STARD13: variants seen among roughly 807,000 people sequenced by gnomAD.
STARD13 encodes the protein StAR related lipid transfer domain containing 13, also known as stAR-related lipid transfer protein 13.
Under a neutral mutation model 106.4 loss-of-function variants are expected in STARD13, and 62 were observed. The ratio of observed to expected loss-of-function variants is 0.58; its 90% CI spans 0.48 to 0.72. The LOEUF (loss-of-function observed/expected upper bound fraction) is 0.72, where lower values mean the gene tolerates loss of function less well. STARD13 is among the 30% of genes least tolerant of loss of function. The pLI is 0.00. For missense variants in STARD13, 1,387 were observed against 1,424.0 expected (o/e 0.97, Z 0.42); for synonymous variants, 565 against 553.0 (o/e 1.02, Z -0.31).
intron 1 of STARD13, among the ~76,000 whole-genome samples, chr13:33,330,148 T>C (rs1400140206): frequency 6.6e-6 from 1 of 152,218 alleles, no homozygotes; most frequent in African/African-American, 2.4e-5. Flanking sequence ...TGTTCCATTC[T>C]GAATTTTGGG....
chr13:33,255,061 C>T (rs2555598), intron 1 of STARD13, among the ~76,000 whole-genome samples: 87,043 of 151,560 alleles, frequency 0.57, 25,681 homozygotes, highest in Non-Finnish European at 0.64. Context: ...CTGTAACACA[C>T]GACAACTTGG....
intron 1 of STARD13, among the ~76,000 whole-genome samples, chr13:33,268,061 A>G (rs2138347997): frequency 6.6e-6 from 1 of 152,358 alleles, no homozygotes; most frequent in Admixed American, 6.5e-5. Flanking sequence ...ATCAAAGGTT[A>G]GACACGCTTC....
chr13:33,359,696 C>CT, the STARD13 span: 1 of 152,600 alleles, frequency 6.6e-6, no homozygotes, highest in African/African-American at 2.4e-5. Flanking sequence ...TCATTCTCTT[C>CT]TCCCCACAGC....
the STARD13 span, among the ~76,000 whole-genome samples, chr13:33,566,800 C>A: frequency 2.0e-5 from 3 of 147,906 alleles, no homozygotes; most frequent in African/African-American, 7.4e-5. Context: ...ACTATGTGAT[C>A]CTTGCTGTGT....
intron 3 of STARD13, among the ~76,000 whole-genome samples, chr13:33,156,932 C>T (rs562224095): frequency 1.3e-5 from 2 of 151,952 alleles, no homozygotes; most frequent in South Asian, 4.2e-4. Flanking sequence ...AATGACTTGC[C>T]CAAGAAATCA....
the STARD13 span, among the ~76,000 whole-genome samples, chr13:33,388,438 C>T: frequency 3.9e-5 from 6 of 152,122 alleles, no homozygotes; most frequent in Admixed American, 6.5e-5. Context: ...CAGGTCTAAC[C>T]GCAGGGCCAC....
chr13:33,397,060 A>G, the STARD13 span, among the ~76,000 whole-genome samples: 1 of 152,214 alleles, frequency 6.6e-6, no homozygotes, highest in African/African-American at 2.4e-5. Flanking sequence ...AAGAAGCTAC[A>G]GAGATCTGTA....
At chr13:33,587,586 C>T in the STARD13 span, among the ~76,000 whole-genome samples, 1 of 152,178 alleles carries the variant, frequency 6.6e-6, no homozygotes, top group Non-Finnish European at 1.5e-5. Flanking sequence ...CTTGTCCAGA[C>T]CAGTGCTTCT....
At chr13:33,261,120 T>A (rs543934228) in intron 1 of STARD13, among the ~76,000 whole-genome samples, 1 of 152,368 alleles carries the variant, frequency 6.6e-6, no homozygotes, top group African/African-American at 2.4e-5. Flanking sequence ...TTCATTTGTA[T>A]CTATCTAGGG....
the STARD13 span, among the ~76,000 whole-genome samples, chr13:33,530,250 C>A: frequency 6.6e-6 from 1 of 152,036 alleles, no homozygotes; most frequent in Non-Finnish European, 1.5e-5. Context: ...ACCACCACCA[C>A]ATCAAGAAGT....
the STARD13 span, among the ~76,000 whole-genome samples, chr13:33,400,764 G>A: frequency 2.6e-5 from 4 of 152,046 alleles, no homozygotes; most frequent in South Asian, 8.3e-4. Flanking sequence ...CACCCAGCCC[G>A]TCTTCAATGG....
At chr13:33,312,758 T>C (rs923416737) in intron 1 of STARD13, among the ~76,000 whole-genome samples, 1 of 152,312 alleles carries the variant, frequency 6.6e-6, no homozygotes, top group South Asian at 2.1e-4. Context: ...ACTCTGCTGA[T>C]TGAGTATGCC....
At chr13:33,446,149 A>G in the STARD13 span, among the ~76,000 whole-genome samples, 1 of 152,220 alleles carries the variant, frequency 6.6e-6, no homozygotes, top group African/African-American at 2.4e-5. Context: ...ATGAAGAAGT[A>G]AAATGAAAAT....
chr13:33,464,830 T>C, the STARD13 span, among the ~76,000 whole-genome samples: 1,030 of 151,974 alleles, frequency 6.8e-3, 11 homozygotes, highest in African/African-American at 0.022. Context: ...AGCGAGACTC[T>C]TGTCTCCAAA....
chr13:33,448,750 CG>C, the STARD13 span, among the ~76,000 whole-genome samples: 2 of 152,086 alleles, frequency 1.3e-5, no homozygotes, highest in Non-Finnish European at 2.9e-5. Flanking sequence ...CTTTTCTCCG[CG>C]TCTTCACCAA....
At chr13:33,372,143 G>C in the STARD13 span, among the ~76,000 whole-genome samples, 2 of 152,194 alleles carry the variant, frequency 1.3e-5, no homozygotes, top group Non-Finnish European at 2.9e-5. Context: ...GACATAAGCA[G>C]TCGGGGAATA....
the STARD13 span, among the ~76,000 whole-genome samples, chr13:33,490,042 AT>A: frequency 8.1e-4 from 123 of 152,184 alleles, no homozygotes; most frequent in African/African-American, 2.7e-3. Context: ...CATTAAGTAA[AT>A]TTTTTTTAAA....
intron 4 of STARD13, among the ~76,000 whole-genome samples, chr13:33,136,709 C>A (rs934694383): frequency 2.0e-5 from 3 of 152,246 alleles, no homozygotes; most frequent in African/African-American, 7.2e-5. Context: ...AACTTCGGGA[C>A]CACCCTTGCA....
intron 1 of STARD13, among the ~76,000 whole-genome samples, chr13:33,262,662 AACAC>A (rs1555254805): frequency 3.4e-4 from 39 of 114,968 alleles, no homozygotes; most frequent in Middle Eastern, 4.3e-3. Context: ...ACACACACAC[AACAC>A]ACACACACAC....
Sources: allele counts gnomAD v4.1 joint callset (sites outside exome capture counted in the v4.1 genomes callset), GRCh38; gene constraint gnomAD v4.1.1; transcripts MANE v1.5; gene names NCBI Gene and HGNC (gene_info 2026-07-23, HGNC 2026-07-21).